Variants in SSH1 observed in about 807,000 individuals in gnomAD.
The protein encoded by SSH1 is slingshot protein phosphatase 1.
SSH1 carries 43 observed loss-of-function variants against 79.7 expected under a neutral mutation model. That is an observed-to-expected ratio of 0.54 (90% confidence interval 0.42 to 0.70). The LOEUF (loss-of-function observed/expected upper bound fraction) is 0.70. SSH1 is among the 30% of genes least tolerant of loss of function. The probability of loss-of-function intolerance (pLI) is 0.00; values close to 1 mark genes in which losing one functional copy is unlikely to be tolerated. For missense variants in SSH1, 1,206 were observed against 1,358.8 expected (o/e 0.89, Z 1.77); for synonymous variants, 599 against 538.3 (o/e 1.11, Z -1.56).
intron 2 of SSH1, chr12:108,827,337 A>C (rs962435558): frequency 6.4e-7 from 1 of 1,550,534 alleles, no homozygotes; most frequent in Admixed American, 2.0e-5. Flanking sequence ...CGGTAAAATA[A>C]AAGAGGTTCG....
rs764312874 is a variant in SSH1 at position 108,788,876 on chromosome 12, G to C, written c.2262C>G (p.Ser754=). The change falls in exon 15 of 15, where the codon TCC becomes TCG. Residue 754 remains serine, a synonymous_variant. Transcript: ENST00000326495. ...CACAGTGAGAATTCTTCAAAAGGAG[G>C]GACTTTGGCAGGACTTTTGGGGTCT... ...SRETPKVLPK[S]LLLKNSHCDK... 2.5e-6 allele frequency: 4 copies of C among 1,614,208 alleles called. No individual in the cohort carries two copies. Among genetic ancestry groups the C allele is most frequent in the Non-Finnish European group, 1.7e-6 (2 of 1,180,038 alleles).
At position 108,799,126 on chromosome 12, in the gene SSH1, G is replaced by A; in HGVS notation, c.1223C>T (p.Ala408Val). The A allele has an allele frequency of 6.2e-7, 1 of 1,614,202 alleles. No homozygotes were observed. Among genetic ancestry groups the A allele is most frequent in the African/African-American group, 1.3e-5 (1 of 75,072 alleles). The change falls in exon 13 of 15, where the codon GCA (alanine) becomes GTA (valine). Residue 408 changes from alanine (A) to valine (V), a missense_variant. Physicochemically the swap from Ala to Val is moderately conservative, Grantham distance 64. Around this residue, in one of 5 missense-constraint regions of SSH1, gnomAD observed 166 missense variants for 262.9 expected, o/e 0.63. Transcript: ENST00000326495. ...SRSASTVIAY[A>V]MKEFGWPLEK... ...CAGAGGCCAGCCGAATTCCTTCATT[G>A]CATAGGCTATGACTGTGGAGGCCGA...
chr12:108,786,604 A>T lies in SSH1; in HGVS notation c.*1384T>A, dbSNP rs895021334. 2.6e-5 allele frequency: 4 copies of T among 152,214 alleles called. No individual in the cohort carries two copies. Among genetic ancestry groups the T allele is most frequent in the Admixed American group, 2.0e-4 (3 of 15,276 alleles). The allele number at this position is 152,214 out of a possible 1,614,324, so 9.4% of individuals were successfully genotyped here. A position where few individuals can be genotyped will look rare whatever the true frequency, so the allele number is the denominator to read the frequency against. On this transcript the variant is annotated 3_prime_UTR_variant, in exon 15 of 15. Transcript: ENST00000326495. ...TTAAAAAGGTAAAAGCCATCGCTTGAGCCAGGGAGGTTGATGCTGCAGTGA... is the reference window on the plus strand; with the variant it reads ...TTAAAAAGGTAAAAGCCATCGCTTGTGCCAGGGAGGTTGATGCTGCAGTGA...
chr12:108,815,982 G>A (rs543881981), intron 5 of SSH1, among the ~76,000 whole-genome samples: 60 of 152,240 alleles, frequency 3.9e-4, no homozygotes, highest in African/African-American at 1.1e-3. Flanking sequence ...TGACACTCAC[G>A]GCCTCCCTGA....
At position 108,785,784 on chromosome 12, in the gene SSH1, A is replaced by G. The variant is rs1008427106; in HGVS notation, c.*2204T>C. 5 of 152,240 alleles carry G rather than the reference A, an allele frequency of 3.3e-5. No individual in the cohort carries two copies. Among genetic ancestry groups the G allele is most frequent in the African/African-American group, 1.2e-4 (5 of 41,458 alleles). 9.4% of individuals were successfully genotyped at this position (152,240 alleles called of 1,614,324 possible). The stretch of plus-strand genomic sequence containing the variant: ...AAAAAACCAACAAAAGCCTGTCATC[A>G]CTAAATTTAAAAGATTATTTTGACA... On this transcript the variant is annotated 3_prime_UTR_variant, in exon 15 of 15. Transcript: ENST00000326495.
chr12:108,784,409 T>C lies in SSH1; in HGVS notation c.*3579A>G, dbSNP rs1341669166. 1 of 152,152 alleles carries C rather than the reference T, an allele frequency of 6.6e-6. No individual in the cohort carries two copies. Among genetic ancestry groups the C allele is most frequent in the Non-Finnish European group, 1.5e-5 (1 of 68,072 alleles). The allele number at this position is 152,152 out of a possible 1,614,324, so 9.4% of individuals were successfully genotyped here. ...CTGTCTGTGTGCACCTGGTGAGCAA[T>C]CTGTATGCTTAAGCAACAGGGTGCC... On this transcript the variant is annotated 3_prime_UTR_variant, in exon 15 of 15. Transcript: ENST00000326495.
At chr12:108,794,609 A>G (rs1444968339) in intron 13 of SSH1, among the ~76,000 whole-genome samples, 2 of 152,240 alleles carry the variant, frequency 1.3e-5, no homozygotes, top group African/African-American at 2.4e-5. Context: ...TTAGCACTGC[A>G]AAAGGAAAAC....
chr12:108,832,667 C>T (rs972140132), intron 2 of SSH1, among the ~76,000 whole-genome samples: 1 of 152,164 alleles, frequency 6.6e-6, no homozygotes, highest in African/African-American at 2.4e-5. Flanking sequence ...TTCCATGGTT[C>T]TCCCACAGGT....
At chr12:108,821,926 C>G (rs1007263757) in intron 3 of SSH1, among the ~76,000 whole-genome samples, 2 of 152,192 alleles carry the variant, frequency 1.3e-5, no homozygotes, top group Non-Finnish European at 2.9e-5. Context: ...GTTGGTTTCA[C>G]CTGCTGCTGT....
At chr12:108,822,990 C>T (rs2038179642) in intron 3 of SSH1, among the ~76,000 whole-genome samples, 1 of 152,216 alleles carries the variant, frequency 6.6e-6, no homozygotes, top group Non-Finnish European at 1.5e-5. Context: ...CTGCAATTAA[C>T]TGATAAACTA....
At chr12:108,829,511 G>C (rs1437014418) in intron 2 of SSH1, among the ~76,000 whole-genome samples, 1 of 152,200 alleles carries the variant, frequency 6.6e-6, no homozygotes, top group Non-Finnish European at 1.5e-5. Flanking sequence ...CACAGGGTAA[G>C]CCAAGCCAGC....
rs769710141 is a variant in SSH1 at position 108,786,656 on chromosome 12, C to G, written c.*1332G>C. 2.0e-5 allele frequency: 3 copies of G among 152,220 alleles called. No homozygotes were observed. The highest frequency in any genetic ancestry group is 4.4e-5 in the Non-Finnish European group (3 of 68,058). The allele number at this position is 152,220 out of a possible 1,614,324, so 9.4% of individuals were successfully genotyped here. On this transcript the variant is annotated 3_prime_UTR_variant, in exon 15 of 15. Transcript: ENST00000326495. ...TCATGATTGCACTACTGTACTCCAG[C>G]CTAGGTGACAGAGCCAGGCCCTGTC...
At chr12:108,810,328 C>T (rs549818313) in intron 6 of SSH1, among the ~76,000 whole-genome samples, 1 of 151,872 alleles carries the variant, frequency 6.6e-6, no homozygotes, top group Non-Finnish European at 1.5e-5. Context: ...TTGAGACCAG[C>T]CTGGCCAACA....
Position 108,805,116 on chromosome 12 carries a change from C to T in SSH1, c.894G>A (p.Glu298=), listed in dbSNP as rs780740429. 5.6e-6 allele frequency: 9 copies of T among 1,613,992 alleles called. No individual in the cohort carries two copies. Residue 298 remains glutamate, a synonymous_variant, in exon 10 of 15, where the codon GAG becomes GAA. Coordinates refer to ENST00000326495, the MANE Select transcript of SSH1 (RefSeq NM_018984.4). The part of the protein sequence containing the change: ...LKELKEFIDN[E]MLLILGQMDK... ...CCATCTGTCCCAAGATAAGTAGCAT[C>T]TCATTGTCTATAAATTCCTTGAGTT...
Position 108,831,353 on chromosome 12 carries a change from C to T in SSH1, c.111-7992G>A, listed in dbSNP as rs574780529. 5.3e-5 allele frequency among the ~76,000 whole-genome samples: 8 copies of T among 152,296 alleles called. No homozygotes were observed. The East Asian group carries it at 1.2e-3, about 22-fold the overall frequency. On this transcript the variant is annotated intron_variant, in intron 2 of 14. Coordinates refer to ENST00000326495, the MANE Select transcript of SSH1 (RefSeq NM_018984.4). ...GTCAGCATAGAAAGATGGGTGCCAA[C>T]GAGCATTCCAAAAAGGAGGCTCTGT...
chr12:108,844,724 A>G (rs1323841768), intron 2 of SSH1, among the ~76,000 whole-genome samples: 1 of 152,222 alleles, frequency 6.6e-6, no homozygotes, highest in African/African-American at 2.4e-5. Context: ...CAGTCATTCC[A>G]GTGATAACAA....
chr12:108,840,437 G>A (rs1183844714), intron 2 of SSH1, among the ~76,000 whole-genome samples: 1 of 152,056 alleles, frequency 6.6e-6, no homozygotes, highest in Non-Finnish European at 1.5e-5. Context: ...AGAGGCTGAG[G>A]CAGGAGAATC....
Position 108,807,585 on chromosome 12 carries a change from A to G in SSH1, c.731+48T>C. ...GGCACAGGGCAGGTGGGGGAGAGGC[A>G]GGTGCCTGTGGGCTTGGGTGCGCTC... On this transcript the variant is annotated intron_variant, in intron 8 of 14. Coordinates refer to ENST00000326495, the MANE Select transcript of SSH1 (RefSeq NM_018984.4). This position sits in a 1 kb window ranked among gnomAD's most constrained non-coding sequence, Gnocchi z 5.2. 6.3e-7 allele frequency: 1 copy of G among 1,590,100 alleles called. No individual in the cohort carries two copies. Among genetic ancestry groups the G allele is most frequent in the Non-Finnish European group, 8.6e-7 (1 of 1,160,334 alleles).
intron 2 of SSH1, among the ~76,000 whole-genome samples, chr12:108,824,068 C>T (rs74740316): frequency 6.6e-6 from 1 of 152,356 alleles, no homozygotes; most frequent in African/African-American, 2.4e-5. Flanking sequence ...AACTCTCTGG[C>T]TTTTAACAAC....
Sources: allele counts gnomAD v4.1 joint callset (sites outside exome capture counted in the v4.1 genomes callset), GRCh38; gene constraint gnomAD v4.1.1; regional missense constraint gnomAD v4.1.1; non-coding constraint Gnocchi (gnomAD v3.1); transcripts MANE v1.5; gene names NCBI Gene and HGNC (gene_info 2026-07-23, HGNC 2026-07-21).